Variants in SIPA1L3 observed in about 807,000 individuals in gnomAD.
The protein encoded by SIPA1L3 is signal-induced proliferation-associated 1-like protein 3.
In SIPA1L3, 59 loss-of-function variants were observed where a neutral mutation model predicts 150.1. The ratio of observed to expected loss-of-function variants is 0.39; its 90% CI spans 0.32 to 0.49. SIPA1L3 has a LOEUF of 0.49. Ranked by LOEUF, SIPA1L3 falls within the 20% of genes least tolerant of loss-of-function variation. The pLI, the probability that SIPA1L3 is intolerant of heterozygous loss-of-function variation, is 0.86. For missense variants in SIPA1L3, 2,211 were observed against 2,489.5 expected (o/e 0.89, Z 2.38); for synonymous variants, 1,070 against 1,077.6 (o/e 0.99, Z 0.14).
intron 15 of SIPA1L3, among the ~76,000 whole-genome samples, chr19:38,179,358 C>G (rs1250463369): frequency 1.3e-5 from 2 of 152,188 alleles, no homozygotes; most frequent in Non-Finnish European, 2.9e-5. Context: ...AGGAGAATCG[C>G]TTGAGCCAGG....
intron 2 of SIPA1L3, among the ~76,000 whole-genome samples, chr19:38,079,301 CCA>C (rs1969924479): frequency 6.6e-6 from 1 of 152,240 alleles, no homozygotes; most frequent in African/African-American, 2.4e-5. Context: ...CCACTGTACT[CCA>C]GCCTGGGCAA....
At chr19:37,918,349 T>A (rs1000319525) in intron 1 of SIPA1L3, among the ~76,000 whole-genome samples, 1 of 151,652 alleles carries the variant, frequency 6.6e-6, no homozygotes, top group African/African-American at 2.4e-5. Flanking sequence ...AACCTCCACC[T>A]CCTGTGTTCA....
chr19:37,907,675 G>A (rs949493277), intron 1 of SIPA1L3: 3 of 152,256 alleles, frequency 2.0e-5, no homozygotes, highest in Admixed American at 1.3e-4. Flanking sequence ...GTAAAACGGA[G>A]TAGGAGAGCA....
intron 3 of SIPA1L3, among the ~76,000 whole-genome samples, chr19:38,085,213 G>A (rs1036428554): frequency 6.6e-6 from 1 of 152,184 alleles, no homozygotes; most frequent in Admixed American, 6.5e-5. Flanking sequence ...CGGGCACGGT[G>A]GCTCACGCTT....
At chr19:38,018,654 T>C (rs374562568) in intron 1 of SIPA1L3, among the ~76,000 whole-genome samples, 3 of 152,342 alleles carry the variant, frequency 2.0e-5, no homozygotes, top group South Asian at 4.1e-4. Context: ...TGTTAATTCT[T>C]CAGCTAATGG....
chr19:37,921,277 G>A (rs2046455210), intron 1 of SIPA1L3, among the ~76,000 whole-genome samples: 1 of 152,238 alleles, frequency 6.6e-6, no homozygotes, highest in Non-Finnish European at 1.5e-5. Flanking sequence ...TGCTTTGGGG[G>A]TCTGGAACAA....
Position 38,125,095 on chromosome 19 carries a change from G to C in SIPA1L3, c.2868+5213G>C, listed in dbSNP as rs541251853. ...CTGTCCCCCAGGCTGGAGTGCAGCA[G>C]AGCGATCTCGGCTCACTGCAACCTC... On this transcript the variant is annotated intron_variant, in intron 9 of 21. Transcript: ENST00000222345. Among the ~76,000 whole-genome samples the C allele has an allele frequency of 5.3e-5, 8 of 151,800 alleles. No homozygotes were observed. In the East Asian group the frequency reaches 9.8e-4, roughly 19 times the overall value.
Position 38,082,682 on chromosome 19 carries a change from T to G in SIPA1L3, c.1117T>G (p.Ser373Ala), listed in dbSNP as rs1276280199. The change falls in exon 3 of 22, where the codon TCG becomes GCG. Residue 373 changes from serine to alanine, a missense_variant. By Grantham distance (99) the Ser-to-Ala change is moderately conservative. Transcript: ENST00000222345. Reference sequence around the variant, plus strand: ...GCGGCGGAACACCACCACGGGTGCTTCGGCCGCTTCCGCCGCCTCGGCCAT... The same window carrying G: ...GCGGCGGAACACCACCACGGGTGCTGCGGCCGCTTCCGCCGCCTCGGCCAT... Reference protein sequence around the residue: ...SQRRNTTTGASAASAASAMAS... With the variant: ...SQRRNTTTGAAAASAASAMAS... The G allele has an allele frequency of 1.2e-6, 2 of 1,608,924 alleles. No individual in the cohort carries two copies. The highest frequency in any genetic ancestry group is 1.7e-5 in the Admixed American group (1 of 59,912).
At position 38,164,798 on chromosome 19, in the gene SIPA1L3, C is replaced by A. The variant is rs1163832223; in HGVS notation, c.4100C>A (p.Pro1367His). The A allele has an allele frequency of 6.2e-7, 1 of 1,611,558 alleles. No individual in the cohort carries two copies. The highest frequency in any genetic ancestry group is 8.5e-7 in the Non-Finnish European group (1 of 1,178,954). ...AGGCGGCGGGAGGTCTCCCCTGCCC[C>A]CGCAGTTGCCGGCCAAAGCAAGGGC... ...ADRRREVSPAPAVAGQSKGYR... is the reference protein window; with the variant it reads ...ADRRREVSPAHAVAGQSKGYR... The change falls in exon 15 of 22, where the codon CCC (proline) becomes CAC (histidine). Residue 1367 changes from proline (P) to histidine (H), a missense_variant. Physicochemically the swap from Pro to His is moderately conservative, Grantham distance 77 (BLOSUM62 -2). Coordinates refer to ENST00000222345, the MANE Select transcript of SIPA1L3 (RefSeq NM_015073.3). This position sits in a 1 kb window ranked among gnomAD's most constrained non-coding sequence, Gnocchi z 4.1.
rs762535451 is a variant in SIPA1L3 at position 38,085,092 on chromosome 19, C to G, written c.1534+1993C>G. Among the ~76,000 whole-genome samples the G allele has an allele frequency of 1.3e-5, 2 of 152,270 alleles. 1 individual carries two copies. Among genetic ancestry groups the G allele is most frequent in the Middle Eastern group, 6.8e-3 (2 of 294 alleles). On this transcript the variant is annotated intron_variant, in intron 3 of 21. Transcript: ENST00000222345. ...TGTTCCATAGCTGATCCACGTGATA[C>G]GTTTTACCCTTCAGACTGTGTGACA...
At chr19:38,055,556 C>T (rs1230801932) in intron 2 of SIPA1L3, among the ~76,000 whole-genome samples, 3 of 152,226 alleles carry the variant, frequency 2.0e-5, no homozygotes, top group Non-Finnish European at 4.4e-5. Context: ...AGTTTAGCTG[C>T]GTGGGAATCC....
At chr19:37,985,754 G>C (rs1373864971) in intron 1 of SIPA1L3, among the ~76,000 whole-genome samples, 1 of 152,178 alleles carries the variant, frequency 6.6e-6, no homozygotes, top group African/African-American at 2.4e-5. Context: ...GATGGCTGTG[G>C]GGAGCTGACT....
intron 1 of SIPA1L3, among the ~76,000 whole-genome samples, chr19:37,970,368 A>AT (rs1233669423): frequency 6.6e-6 from 1 of 152,184 alleles, no homozygotes; most frequent in Non-Finnish European, 1.5e-5. Flanking sequence ...ATTAACACAC[A>AT]TTTTTAATTA....
At chr19:38,202,997 T>C (rs1199530286) in intron 20 of SIPA1L3, among the ~76,000 whole-genome samples, 2 of 152,194 alleles carry the variant, frequency 1.3e-5, no homozygotes, top group African/African-American at 2.4e-5. Flanking sequence ...TGTACATGGA[T>C]TTAAATAGTG....
At chr19:37,910,249 A>G (rs981556989) in intron 1 of SIPA1L3, among the ~76,000 whole-genome samples, 1 of 152,210 alleles carries the variant, frequency 6.6e-6, no homozygotes, top group Non-Finnish European at 1.5e-5. Flanking sequence ...CCTTTAAAAT[A>G]AAGTGTTTGT....
chr19:37,949,569 G>T (rs1296764021), intron 1 of SIPA1L3, among the ~76,000 whole-genome samples: 3 of 152,072 alleles, frequency 2.0e-5, no homozygotes, highest in African/African-American at 7.2e-5. Flanking sequence ...GGAGATTGAG[G>T]CAGGAGAATC....
chr19:38,149,462 G>T (rs1971772750), intron 12 of SIPA1L3, among the ~76,000 whole-genome samples: 1 of 152,186 alleles, frequency 6.6e-6, no homozygotes, highest in South Asian at 2.1e-4. Flanking sequence ...GGGGAAAGTA[G>T]CTGAGAGATG....
intron 1 of SIPA1L3, among the ~76,000 whole-genome samples, chr19:37,952,055 A>T (rs558891074): frequency 6.6e-6 from 1 of 152,110 alleles, no homozygotes; most frequent in Admixed American, 6.5e-5. Context: ...AGTCAGTCCA[A>T]TCAGAATTAA....
chr19:37,975,161 CTT>C (rs1913074682), intron 1 of SIPA1L3, among the ~76,000 whole-genome samples: 2 of 152,290 alleles, frequency 1.3e-5, no homozygotes, highest in African/African-American at 4.8e-5. Context: ...ACGCAAGAGA[CTT>C]GGGCATTCAA....
Sources: allele counts gnomAD v4.1 joint callset (sites outside exome capture counted in the v4.1 genomes callset), GRCh38; gene constraint gnomAD v4.1.1; non-coding constraint Gnocchi (gnomAD v3.1); transcripts MANE v1.5; gene names NCBI Gene and HGNC (gene_info 2026-07-23, HGNC 2026-07-21).